MEIKIN: variants seen among roughly 807,000 people sequenced by gnomAD.
MEIKIN encodes meiosis-specific kinetochore protein.
chr5:131,885,345 GA>G (rs1377751911), intron 8 of MEIKIN, among the ~76,000 whole-genome samples: 2 of 1,442 alleles, frequency 1.4e-3, no homozygotes, highest in Non-Finnish European at 4.9e-3. Flanking sequence ...AACTGAAAGA[GA>G]GAGAGAGAGA....
chr5:131,814,524 G>A (rs180873645), intron 12 of MEIKIN, among the ~76,000 whole-genome samples: 1 of 151,742 alleles, frequency 6.6e-6, no homozygotes, highest in African/African-American at 2.4e-5. Context: ...CGATCCACTC[G>A]CCTCAACCTC....
chr5:131,945,311 G>C, intron 1 of MEIKIN, 62 bp from the exon 2 acceptor site: 1 of 399,048 alleles, frequency 2.5e-6, no homozygotes, highest in Non-Finnish European at 4.4e-6. Context: ...GGGGGTCCTG[G>C]GCCCGAGGCC....
Position 131,825,574 on chromosome 5 carries a change from C to T in MEIKIN, c.976-6711G>A, listed in dbSNP as rs544835865. Among the ~76,000 whole-genome samples the T allele has an allele frequency of 2.6e-5, 4 of 152,312 alleles. No individual in the cohort carries two copies. In the South Asian group the frequency reaches 8.3e-4, roughly 32 times the overall value. On this transcript the variant is annotated intron_variant, in intron 11 of 12. Transcript: ENST00000442687. ...GGTCAGTCACACAGGCATGTAGTTC[C>T]TTCATGACAGACCTCAGCTACTCAG...
intron 9 of MEIKIN, among the ~76,000 whole-genome samples, chr5:131,862,511 C>T (rs1750304104): frequency 6.6e-6 from 1 of 151,836 alleles, no homozygotes; most frequent in Non-Finnish European, 1.5e-5. Context: ...TCTCTAATTC[C>T]TTAAAGTGCA....
chr5:131,813,084 G>GC (rs1379388164), intron 12 of MEIKIN, among the ~76,000 whole-genome samples: 2 of 152,156 alleles, frequency 1.3e-5, no homozygotes, highest in Non-Finnish European at 2.9e-5. Flanking sequence ...GCTTGAGCAG[G>GC]CCCTGAAGTC....
In MEIKIN at chr5:131,838,594, T is replaced by C. The variant is rs183468891; in HGVS notation, c.975+12670A>G. Among the ~76,000 whole-genome samples, 226 of 152,184 alleles carry C rather than the reference T, an allele frequency of 1.5e-3. 1 individual carries two copies. The highest frequency in any genetic ancestry group is 5.2e-3 in the African/African-American group (214 of 41,546). ...AAGGTGTATGTGGAGGGTGCATGTG[T>C]ACAGGAATTTATCCATTTATTCCAG... On this transcript the variant is annotated intron_variant, in intron 11 of 12. Transcript: ENST00000442687.
chr5:131,859,220 TAC>T (rs1180307738), intron 9 of MEIKIN, among the ~76,000 whole-genome samples: 1 of 152,192 alleles, frequency 6.6e-6, no homozygotes, highest in East Asian at 1.9e-4. Flanking sequence ...GTGGTACATA[TAC>T]ACCATGGAAT....
chr5:131,911,490 T>C (rs1054936210), intron 8 of MEIKIN, among the ~76,000 whole-genome samples: 8 of 151,876 alleles, frequency 5.3e-5, no homozygotes, highest in Admixed American at 1.3e-4. Flanking sequence ...TGTTCACTTA[T>C]TGTCCTCTCC....
At chr5:131,901,679 C>T (rs890207344) in intron 8 of MEIKIN, among the ~76,000 whole-genome samples, 4 of 152,156 alleles carry the variant, frequency 2.6e-5, no homozygotes, top group African/African-American at 7.2e-5. Flanking sequence ...AAGCCAGGGG[C>T]CTGATACCAG....
intron 11 of MEIKIN, among the ~76,000 whole-genome samples, chr5:131,820,036 A>G (rs551167193): frequency 1.8e-4 from 26 of 145,210 alleles, no homozygotes; most frequent in Non-Finnish European, 2.2e-4. Context: ...CGGCCTCCCA[A>G]AGTGCTGGGA....
chr5:131,920,721 C>G (rs1454320118), intron 6 of MEIKIN, among the ~76,000 whole-genome samples: 1 of 148,414 alleles, frequency 6.7e-6, no homozygotes, highest in Non-Finnish European at 1.5e-5. Flanking sequence ...TTGAGAAGAT[C>G]CTCATTCTGT....
intron 8 of MEIKIN, among the ~76,000 whole-genome samples, 184 bp downstream of exon 8, chr5:131,911,631 A>G (rs1751336588): frequency 6.6e-6 from 1 of 151,846 alleles, no homozygotes; most frequent in African/African-American, 2.4e-5. Context: ...GGGGATAGCT[A>G]AGACCCACTT....
intron 8 of MEIKIN, among the ~76,000 whole-genome samples, chr5:131,909,107 C>T (rs1378592819): frequency 6.6e-6 from 1 of 152,040 alleles, no homozygotes; most frequent in Non-Finnish European, 1.5e-5. Context: ...CCAGAATAGT[C>T]AAAGCTAACC....
chr5:131,887,709 T>TA (rs1463427178), intron 8 of MEIKIN, among the ~76,000 whole-genome samples: 2 of 151,532 alleles, frequency 1.3e-5, no homozygotes, highest in Non-Finnish European at 2.9e-5. Context: ...GTTTTTTTTT[T>TA]ATTTTATTAT....
intron 9 of MEIKIN, among the ~76,000 whole-genome samples, chr5:131,863,297 C>G (rs946053925): frequency 6.6e-6 from 1 of 152,136 alleles, no homozygotes. Context: ...CTGTATATGT[C>G]TGTGAGGTCC....
chr5:131,913,364 T>C (rs1751360794), intron 7 of MEIKIN, among the ~76,000 whole-genome samples: 1 of 152,228 alleles, frequency 6.6e-6, no homozygotes, highest in Admixed American at 6.5e-5. Flanking sequence ...TCTGAAAGTA[T>C]ATCTAGCTTC....
At chr5:131,811,543 G>A (rs2149600217) in intron 12 of MEIKIN, among the ~76,000 whole-genome samples, 1 of 151,926 alleles carries the variant, frequency 6.6e-6, no homozygotes, top group African/African-American at 2.4e-5. Flanking sequence ...CTGACCTCAG[G>A]TAATCCGCCC....
intron 8 of MEIKIN, among the ~76,000 whole-genome samples, chr5:131,883,972 C>T (rs1021346958): frequency 6.6e-6 from 1 of 152,186 alleles, no homozygotes; most frequent in African/African-American, 2.4e-5. Context: ...GTATTTAAAC[C>T]AGACCTAGCC....
At chr5:131,817,194 A>C (rs1339975450) in intron 12 of MEIKIN, among the ~76,000 whole-genome samples, 2 of 152,168 alleles carry the variant, frequency 1.3e-5, no homozygotes, top group African/African-American at 4.8e-5. Context: ...AACACTCCCC[A>C]AGTTCTAAGT....
Sources: allele counts gnomAD v4.1 joint callset (sites outside exome capture counted in the v4.1 genomes callset), GRCh38; gene constraint gnomAD v4.1.1; transcripts MANE v1.5; gene names NCBI Gene and HGNC (gene_info 2026-07-23, HGNC 2026-07-21).